Variants in CHD8 observed in about 807,000 individuals in gnomAD.
CHD8 encodes chromodomain helicase DNA binding protein 8, also known as ATP-dependent chromatin remodeler CHD8.
Under a neutral mutation model 279.2 loss-of-function variants are expected in CHD8, and 31 were observed. That is an observed-to-expected ratio of 0.11 (90% CI 0.08 to 0.15). The LOEUF is 0.15. Among genes scored for constraint, CHD8 ranks in the 10% least tolerant of loss-of-function variants. CHD8 has a pLI of 1.00. For missense variants in CHD8, 2,146 were observed against 3,230.5 expected (o/e 0.66, Z 8.14); for synonymous variants, 1,081 against 1,139.6 (o/e 0.95, Z 1.04).
intron 1 of CHD8, among the ~76,000 whole-genome samples, chr14:21,432,177 T>A (rs1170199872): frequency 6.6e-6 from 1 of 152,218 alleles, no homozygotes; most frequent in African/African-American, 2.4e-5. Flanking sequence ...AATTTAATAT[T>A]CATTTACCTT....
chr14:21,389,962 C>T (rs955656504), intron 37 of CHD8, among the ~76,000 whole-genome samples: 8 of 152,122 alleles, frequency 5.3e-5, no homozygotes, highest in African/African-American at 1.4e-4. Flanking sequence ...AGGCCGAGTG[C>T]GGTGGCTGAA....
rs749176084 is a variant in CHD8 at position 21,400,131 on chromosome 14, TCTG to T, written c.4727+17_4727+19del. 1.2e-6 allele frequency: 2 copies of T among 1,613,816 alleles called. No individual in the cohort carries two copies. On this transcript the variant is annotated intron_variant, in intron 24 of 37. Transcript: ENST00000646647. This position sits in a 1 kb window ranked among gnomAD's most constrained non-coding sequence, Gnocchi z 4.2. ...CTGTAGAAGTTTGAGGTGGAAAATG[TCTG>T]CTAATTCTATGCTTACTTGTTACAC...
chr14:21,445,379 G>A (rs1261797644), intron 1 of CHD8, among the ~76,000 whole-genome samples: 1 of 151,696 alleles, frequency 6.6e-6, no homozygotes, highest in Non-Finnish European at 1.5e-5. Context: ...AGACCTGCCT[G>A]GCCAAGATGG....
chr14:21,393,250 G>A lies in CHD8; in HGVS notation c.6324C>T (p.Asp2108=). The change falls in exon 33 of 38, where the codon GAC becomes GAT. Residue 2108 remains aspartate (D), a synonymous_variant. Coordinates refer to ENST00000646647, the MANE Select transcript of CHD8 (RefSeq NM_001170629.2). ...CATCATAGAGCTTTGAGCGGGACTG[G>A]TCAGCTGGTAAGAGAGCCCATAGAA... The part of the protein sequence containing the change: ...SEDEKEEKLT[D]QSRSKLYDEE... 1 of 1,613,954 alleles carries A rather than the reference G, an allele frequency of 6.2e-7. No homozygotes were observed. Among genetic ancestry groups the A allele is most frequent in the Non-Finnish European group, 8.5e-7 (1 of 1,179,880 alleles).
chr14:21,395,717 A>AT (rs1887753513), intron 28 of CHD8, 100 bp downstream of exon 28: 1 of 765,126 alleles, frequency 1.3e-6, no homozygotes, highest in Admixed American at 2.4e-5. Context: ...TCCATTTTGT[A>AT]TTATAAATTA....
intron 1 of CHD8, among the ~76,000 whole-genome samples, chr14:21,452,707 C>A (rs774335847): frequency 1.3e-5 from 2 of 151,878 alleles, no homozygotes; most frequent in African/African-American, 2.4e-5. Flanking sequence ...AACTGTCAGC[C>A]GGGCGCAGTG....
chr14:21,400,148 T>C lies in CHD8; in HGVS notation c.4727+3A>G, dbSNP rs762971007. On this transcript the variant is annotated splice_donor_region_variant and intron_variant, in intron 24 of 37. Transcript: ENST00000646647. The surrounding 1 kb of genome is among the most constrained non-coding windows in gnomAD (Gnocchi z 4.2). ...GGAAAATGTCTGCTAATTCTATGCTTACTTGTTACACTGATGTTTCAAGTG... is the reference window on the plus strand; with the variant it reads ...GGAAAATGTCTGCTAATTCTATGCTCACTTGTTACACTGATGTTTCAAGTG... 20 of 1,613,754 alleles carry C rather than the reference T, an allele frequency of 1.2e-5. No individual in the cohort carries two copies. The highest frequency in any genetic ancestry group is 3.3e-5 in the Admixed American group (2 of 60,004).
intron 26 of CHD8, chr14:21,398,563 C>G: frequency 6.6e-6 from 1 of 152,194 alleles, no homozygotes; most frequent in African/African-American, 2.4e-5. Flanking sequence ...TTAAACGTCT[C>G]AAAAAAGATG....
chr14:21,415,929 G>C, intron 5 of CHD8, 22 bp from the exon 6 acceptor site: 1 of 1,602,368 alleles, frequency 6.2e-7, no homozygotes, highest in Non-Finnish European at 8.5e-7. Flanking sequence ...AAAGTAGTTA[G>C]AGTGACTAGT....
In CHD8 at chr14:21,446,054, C is replaced by T. The variant is rs142296329; in HGVS notation, c.-216+9978G>A. ...TAAAACTGCAAAAATTAGCCAGGTG[C>T]GGTGGCAGGCACCTGTAATCCCAGC... On this transcript the variant is annotated intron_variant, in intron 1 of 37. Coordinates refer to ENST00000646647, the MANE Select transcript of CHD8 (RefSeq NM_001170629.2). 3.7e-3 allele frequency among the ~76,000 whole-genome samples: 550 copies of T among 147,474 alleles called. 4 individuals are homozygous for T. The highest frequency in any genetic ancestry group is 0.013 in the African/African-American group (531 of 40,064).
chr14:21,405,716 C>T lies in CHD8; in HGVS notation c.3051+5G>A, dbSNP rs1376770473. On this transcript the variant is annotated splice_donor_5th_base_variant and intron_variant, in intron 15 of 37. Transcript: ENST00000646647. This position sits in a 1 kb window ranked among gnomAD's most constrained non-coding sequence, Gnocchi z 4.2. ...AGTTAGTACCTCATCAGATAGATTT[C>T]CTACCTGTTCCTCTGTCTTGAGATC... 1 of 1,613,370 alleles carries T rather than the reference C, an allele frequency of 6.2e-7. No homozygotes were observed. The highest frequency in any genetic ancestry group is 2.2e-5 in the East Asian group (1 of 44,856).
At chr14:21,421,289 CA>C (rs1024498204) in intron 5 of CHD8, among the ~76,000 whole-genome samples, 1 of 151,874 alleles carries the variant, frequency 6.6e-6, no homozygotes, top group African/African-American at 2.4e-5. Flanking sequence ...ATACTTTAAA[CA>C]TTAAAGAGAT....
intron 1 of CHD8, among the ~76,000 whole-genome samples, chr14:21,455,604 AG>A (rs1011271272): frequency 3.3e-5 from 5 of 151,968 alleles, no homozygotes; most frequent in African/African-American, 4.8e-5. Flanking sequence ...AAAATACAGA[AG>A]AAAAAAAAAT....
chr14:21,421,293 A>G (rs969852629), intron 5 of CHD8, among the ~76,000 whole-genome samples: 1 of 152,040 alleles, frequency 6.6e-6, no homozygotes, highest in African/African-American at 2.4e-5. Flanking sequence ...TTTAAACATT[A>G]AAGAGATACT....
chr14:21,405,872 T>C lies in CHD8; in HGVS notation c.2908-8A>G. 6.2e-7 allele frequency: 1 copy of C among 1,602,612 alleles called. No homozygotes were observed. Among genetic ancestry groups the C allele is most frequent in the East Asian group, 2.2e-5 (1 of 44,770 alleles). ...GAGTAGCACCTTGTGTTCCTAGAAA[T>C]GGAGGAAACAAAAGAATAAAATTTA... On this transcript the variant is annotated splice_region_variant and splice_polypyrimidine_tract_variant and intron_variant, in intron 14 of 37. Transcript: ENST00000646647. The surrounding 1 kb of genome is among the most constrained non-coding windows in gnomAD (Gnocchi z 4.2).
chr14:21,391,034 C>G lies in CHD8; in HGVS notation c.7095G>C (p.Trp2365Cys), dbSNP rs1348596911. The stretch of plus-strand genomic sequence containing the variant: ...CCTTATTATTTTTTTTACATCTTTG[C>G]CACTTCTGTTTTCTGCGATCCTCCA... ...AYMEDRRKQKWQRCKKNNKAE... is the reference protein window; with the variant it reads ...AYMEDRRKQKCQRCKKNNKAE... The change falls in exon 37 of 38, where the codon TGG (tryptophan) becomes TGC (cysteine). Residue 2365 changes from tryptophan to cysteine, a missense_variant. Trp to Cys is a radical substitution (Grantham distance 215). Transcript: ENST00000646647. 2 of 1,593,642 alleles carry G rather than the reference C, an allele frequency of 1.3e-6. No homozygotes were observed. The highest frequency in any genetic ancestry group is 1.7e-6 in the Non-Finnish European group (2 of 1,169,126).
At chr14:21,454,162 A>AAAAAGAAAAGAAAAGAAAAG (rs60147341) in intron 1 of CHD8, among the ~76,000 whole-genome samples, 2,938 of 127,014 alleles carry the variant, frequency 0.023, 70 homozygotes, top group Middle Eastern at 0.044. Flanking sequence ...CGTCTCAAAA[A>AAAAAGAAAAGAAAAGAAAAG]AAAAGAAAAG....
chr14:21,389,230 G>A (rs1284481279), intron 37 of CHD8, among the ~76,000 whole-genome samples: 1 of 151,824 alleles, frequency 6.6e-6, no homozygotes, highest in Admixed American at 6.6e-5. Context: ...AACTTGGGAG[G>A]TAAAGGTTGC....
In CHD8 at chr14:21,391,881, T is replaced by A. The variant is rs1566410582; in HGVS notation, c.6837A>T (p.Gly2279=). ...CCTTCTTCTTATGAAACAGTGGATGTCCATCTCCCATTACTCCATTCGCCA... is the reference window on the plus strand; with the variant it reads ...CCTTCTTCTTATGAAACAGTGGATGACCATCTCCCATTACTCCATTCGCCA... ...KLMANGVMGD[G]HPLFHKKKGN... The change falls in exon 35 of 38, where the codon GGA becomes GGT. Residue 2279 remains glycine, a synonymous_variant. Coordinates refer to ENST00000646647, the MANE Select transcript of CHD8 (RefSeq NM_001170629.2). The A allele has an allele frequency of 1.9e-6, 3 of 1,613,934 alleles. No individual in the cohort carries two copies. The South Asian group carries it at 3.3e-5, about 18-fold the overall frequency.
Sources: allele counts gnomAD v4.1 joint callset (sites outside exome capture counted in the v4.1 genomes callset), GRCh38; gene constraint gnomAD v4.1.1; non-coding constraint Gnocchi (gnomAD v3.1); transcripts MANE v1.5; gene names NCBI Gene and HGNC (gene_info 2026-07-23, HGNC 2026-07-21).